The following PLEKHG5 variants were observed in gnomAD, a reference collection of about 807,000 sequenced individuals.
PLEKHG5 encodes the protein pleckstrin homology domain-containing family G member 5.
Under a neutral mutation model 103.8 loss-of-function variants are expected in PLEKHG5, and 52 were observed. The observed-to-expected ratio is 0.50, with a 90% CI of 0.40 to 0.63. The LOEUF (loss-of-function observed/expected upper bound fraction) is 0.63. Ranked by LOEUF, PLEKHG5 falls within the 30% of genes least tolerant of loss-of-function variation. The pLI is 0.00. For synonymous variants in PLEKHG5, 592 were observed against 575.5 expected, an observed-to-expected ratio of 1.03 and a Z score of -0.41; for missense variants, 1,205 against 1,347.6, an observed-to-expected ratio of 0.89 and a Z score of 1.66.
upstream of PLEKHG5, among the ~76,000 whole-genome samples, chr1:6,495,457 C>A (rs1645211234): frequency 1.3e-5 from 2 of 152,192 alleles, no homozygotes; most frequent in Admixed American, 1.3e-4. Context: ...ACATTTCCTG[C>A]AGCTGGCAGT....
chr1:6,470,665 TCAGGTC>T (rs1175433033), intron 14 of PLEKHG5, 22 bp from the exon 15 acceptor site: 4 of 1,558,948 alleles, frequency 2.6e-6, no homozygotes, highest in Middle Eastern at 1.7e-4. Flanking sequence ...TGAGGGAGCT[TCAGGTC>T]CAGGGTCATG....
At position 6,474,077 on chromosome 1, in the gene PLEKHG5, C is replaced by A; in HGVS notation, c.527G>T (p.Gly176Val). The A allele has an allele frequency of 6.2e-7, 1 of 1,612,804 alleles. No homozygotes were observed. The highest frequency in any genetic ancestry group is 8.5e-7 in the Non-Finnish European group (1 of 1,179,738). ...ACGCTCCAGGGCGGGGGGCCCGGTC[C>A]CAGCTGGCCGCAGAATCGGCAAACT... ...SLSLPILRPA[G>V]TGPPALERVD... is the part of the protein sequence containing the mutation. The change falls in exon 7 of 21, where the codon GGG becomes GTG. Residue 176 changes from glycine to valine, a missense_variant. Coordinates refer to ENST00000377728, the MANE Select transcript of PLEKHG5 (RefSeq NM_020631.6).
chr1:6,469,052 A>C lies in PLEKHG5; in HGVS notation c.2239T>G (p.Ser747Ala). The stretch of plus-strand genomic sequence containing the variant: ...CATGAGCAGACGTACCAGTGCTGAG[A>C]GTCGGGGCTGCCGCTGCTTTTCCGC... ...IMRKSSGSPDSQHCASDGSTE... is the reference protein window; with the variant it reads ...IMRKSSGSPDAQHCASDGSTE... The change falls in exon 19 of 21, where the codon TCT (serine) becomes GCT (alanine). Residue 747 changes from serine (S) to alanine (A), a missense_variant. By Grantham distance (99) the Ser-to-Ala change is moderately conservative. Coordinates refer to ENST00000377728, the MANE Select transcript of PLEKHG5 (RefSeq NM_020631.6). 1 of 1,613,390 alleles carries C rather than the reference A, an allele frequency of 6.2e-7. No homozygotes were observed.
At chr1:6,516,879 TATATATACAC>T (rs375193342) in intron 1 of PLEKHG5, among the ~76,000 whole-genome samples, 78,931 of 117,902 alleles carry the variant, frequency 0.67, 26,073 homozygotes, top group South Asian at 0.77. Flanking sequence ...TATATATATA[TATATATACAC>T]ATATATATAT....
intron 1 of PLEKHG5, among the ~76,000 whole-genome samples, chr1:6,507,429 C>T (rs1042415488): frequency 6.6e-6 from 1 of 152,186 alleles, no homozygotes; most frequent in Non-Finnish European, 1.5e-5. Context: ...GGGCCAAGGG[C>T]AGCTTGCACT....
At chr1:6,513,161 A>G (rs1392023337) in intron 1 of PLEKHG5, among the ~76,000 whole-genome samples, 1 of 152,206 alleles carries the variant, frequency 6.6e-6, no homozygotes, top group Admixed American at 6.5e-5. Context: ...TCTAGACTCT[A>G]TCGGGGATGC....
chr1:6,473,476 G>A (rs1644661187), intron 7 of PLEKHG5, 22 bp from the exon 8 acceptor site: 3 of 1,497,134 alleles, frequency 2.0e-6, no homozygotes, highest in East Asian at 2.5e-5. Flanking sequence ...AGGGTGGTCA[G>A]GGCCGGGACC....
intron 1 of PLEKHG5, among the ~76,000 whole-genome samples, chr1:6,488,064 C>T (rs1645073780): frequency 2.0e-5 from 3 of 152,232 alleles, no homozygotes; most frequent in Admixed American, 1.3e-4. Flanking sequence ...TGACCTTGGG[C>T]CTGCTGGCCC....
Position 6,474,078 on chromosome 1 carries a change from C to T in PLEKHG5, c.526G>A (p.Gly176Arg), listed in dbSNP as rs749427763. Reference sequence around the variant, plus strand: ...CGCTCCAGGGCGGGGGGCCCGGTCCCAGCTGGCCGCAGAATCGGCAAACTC... The same window carrying T: ...CGCTCCAGGGCGGGGGGCCCGGTCCTAGCTGGCCGCAGAATCGGCAAACTC... ...SLSLPILRPA[G>R]TGPPALERVD... Residue 176 changes from glycine to arginine, a missense_variant, in exon 7 of 21, where the codon GGG becomes AGG. Coordinates refer to ENST00000377728, the MANE Select transcript of PLEKHG5 (RefSeq NM_020631.6). 1 of 1,612,850 alleles carries T rather than the reference C, an allele frequency of 6.2e-7. No individual in the cohort carries two copies. The highest frequency in any genetic ancestry group is 8.5e-7 in the Non-Finnish European group (1 of 1,179,744).
At chr1:6,483,253 G>A (rs961880867) in intron 1 of PLEKHG5, among the ~76,000 whole-genome samples, 7 of 152,206 alleles carry the variant, frequency 4.6e-5, no homozygotes, top group Admixed American at 4.6e-4. Flanking sequence ...TGATCTGCAT[G>A]GAGCTGGGCC....
rs376409625 is a variant in PLEKHG5, at chr1:6,473,343, T to A, written c.703A>T (p.Ser235Cys). Residue 235 changes from serine to cysteine, a missense_variant, in exon 8 of 21, where the codon AGC becomes TGC. Transcript: ENST00000377728. Reference protein sequence around the residue: ...SCSLPSGSSGSTNTGDSWKNR... With the variant: ...SCSLPSGSSGCTNTGDSWKNR... ...TTCCAGCTGTCGCCAGTGTTGGTGC[T>A]GCCACTGCTGCCGCTGGGCAGAGAG... 1 of 1,553,586 alleles carries A rather than the reference T, an allele frequency of 6.4e-7. No homozygotes were observed. The highest frequency in any genetic ancestry group is 8.7e-7 in the Non-Finnish European group (1 of 1,149,258).
At chr1:6,470,920 C>T (rs776451229) in intron 13 of PLEKHG5, 36 bp from the exon 14 acceptor site, 3 of 1,546,104 alleles carry the variant, frequency 1.9e-6, no homozygotes, top group Admixed American at 1.9e-5. Flanking sequence ...TCAGGGCAGG[C>T]CCCGCCCCAC....
chr1:6,516,652 G>A (rs943422583), intron 1 of PLEKHG5, among the ~76,000 whole-genome samples: 2 of 151,450 alleles, frequency 1.3e-5, no homozygotes, highest in African/African-American at 4.9e-5. Flanking sequence ...GTGAGACTCT[G>A]TCTCAAAAAA....
chr1:6,493,496 C>T (rs1161281088), upstream of PLEKHG5, among the ~76,000 whole-genome samples: 3 of 152,188 alleles, frequency 2.0e-5, no homozygotes, highest in Admixed American at 6.5e-5. Flanking sequence ...GGGCAAGTTC[C>T]TCTACCTCTC....
intron 10 of PLEKHG5, among the ~76,000 whole-genome samples, chr1:6,472,214 C>T (rs1244472343): frequency 6.6e-6 from 1 of 152,244 alleles, no homozygotes; most frequent in Non-Finnish European, 1.5e-5. Context: ...ACTGCCAGCT[C>T]ACTCTGTCCC....
At chr1:6,506,403 T>G (rs970366301) in intron 1 of PLEKHG5, among the ~76,000 whole-genome samples, 3 of 152,142 alleles carry the variant, frequency 2.0e-5, no homozygotes, top group African/African-American at 7.2e-5. Flanking sequence ...ACAGACATTT[T>G]ACAAATTTCG....
chr1:6,474,443 C>G lies in PLEKHG5; in HGVS notation c.439+8G>C, dbSNP rs1207931374. 6.2e-7 allele frequency: 1 copy of G among 1,613,762 alleles called. No homozygotes were observed. The highest frequency in any genetic ancestry group is 1.7e-5 in the Admixed American group (1 of 60,012). ...CAGCGGCCCCATTTGGCCCAGGCTG[C>G]TTCTCACCTTTGACACGAAGGTAGT... On this transcript the variant is annotated splice_region_variant and intron_variant, in intron 6 of 20. Coordinates refer to ENST00000377728, the MANE Select transcript of PLEKHG5 (RefSeq NM_020631.6).
At position 6,485,492 on chromosome 1, in the gene PLEKHG5, G is replaced by C. The variant is rs541180023; in HGVS notation, c.-88+6145C>G. The stretch of plus-strand genomic sequence containing the variant: ...TGCGCCGCCCGCCGGACAAAGCGCG[G>C]AGCCCCGCTTCCTGCCATTGTGCGG... On this transcript the variant is annotated intron_variant, in intron 1 of 20. Coordinates refer to ENST00000377728, the MANE Select transcript of PLEKHG5 (RefSeq NM_020631.6). 4.0e-6 allele frequency: 5 copies of C among 1,241,466 alleles called. No individual in the cohort carries two copies. The Admixed American group carries it at 2.1e-4, about 53-fold the overall frequency. The allele number at this position is 1,241,466 out of a possible 1,614,324, so 76.9% of individuals were successfully genotyped here.
intron 12 of PLEKHG5, 133 bp downstream of exon 12, chr1:6,471,355 C>T (rs1644578744): frequency 1.0e-5 from 11 of 1,085,680 alleles, no homozygotes; most frequent in Non-Finnish European, 1.3e-5. Context: ...TCACCCTTGG[C>T]CACAAGGGGT....
Sources: allele counts gnomAD v4.1 joint callset (sites outside exome capture counted in the v4.1 genomes callset), GRCh38; gene constraint gnomAD v4.1.1; transcripts MANE v1.5; gene names NCBI Gene and HGNC (gene_info 2026-07-23, HGNC 2026-07-21).